Variants in PELI1 observed in about 807,000 individuals in gnomAD.
The protein encoded by PELI1 is E3 ubiquitin-protein ligase pellino homolog 1.
A neutral mutation model predicts 41.3 loss-of-function variants in PELI1; 15 were observed. That is an observed-to-expected ratio of 0.36 (90% CI 0.24 to 0.56). The LOEUF is 0.56. Among genes scored for constraint, PELI1 ranks in the 20% least tolerant of loss-of-function variants. The pLI, the probability that PELI1 is intolerant of heterozygous loss-of-function variation, is 0.82. For missense variants in PELI1, 403 were observed against 525.5 expected, an observed-to-expected ratio of 0.77 and a Z score of 2.28; for synonymous variants, 178 against 180.1, an observed-to-expected ratio of 0.99 and a Z score of 0.09.
In PELI1 at chr2:64,092,736, C is replaced by T. The variant is rs1301663568; in HGVS notation, c.*1966G>A. The T allele has an allele frequency of 6.6e-6, 1 of 152,140 alleles. No homozygotes were observed. Among genetic ancestry groups the T allele is most frequent in the Admixed American group, 6.5e-5 (1 of 15,282 alleles). The allele number at this position is 152,140 out of a possible 1,614,324, so 9.4% of individuals were successfully genotyped here. A position where few individuals can be genotyped will look rare whatever the true frequency, so the allele number is the denominator to read the frequency against. On this transcript the variant is annotated 3_prime_UTR_variant, in exon 7 of 7. Transcript: ENST00000358912. ...ATACTTTAAAGTGTTACATTAAATG[C>T]AAACTCTTCATCTATTTCAAATGAG...
In PELI1 at chr2:64,094,192, T is replaced by C. The variant is rs1680145874; in HGVS notation, c.*510A>G. On this transcript the variant is annotated 3_prime_UTR_variant, in exon 7 of 7. Transcript: ENST00000358912. ...TAACTTTGCAAATCCTTGAGCTAGG[T>C]TGCTCACTAAGCTACCATTCACACC... 2 of 152,862 alleles carry C rather than the reference T, an allele frequency of 1.3e-5. No individual in the cohort carries two copies. The highest frequency in any genetic ancestry group is 2.4e-5 in the African/African-American group (1 of 41,448). The allele number at this position is 152,862 out of a possible 1,614,324, so 9.5% of individuals were successfully genotyped here.
At chr2:64,096,642 A>G in intron 4 of PELI1, 32 bp from the exon 5 acceptor site, 2 of 1,429,608 alleles carry the variant, frequency 1.4e-6, no homozygotes, top group South Asian at 2.3e-5. Flanking sequence ...CTATAAACCC[A>G]TTCAAAGAGC....
At chr2:64,121,727 G>A (rs1274153539) in intron 1 of PELI1, among the ~76,000 whole-genome samples, 1 of 152,074 alleles carries the variant, frequency 6.6e-6, no homozygotes, top group East Asian at 1.9e-4. Context: ...CCAACATGGA[G>A]AAACCCCGTC....
In PELI1 at chr2:64,095,139, C is replaced by T. The variant is rs761679896; in HGVS notation, c.820G>A (p.Glu274Lys). 3 of 1,614,170 alleles carry T rather than the reference C, an allele frequency of 1.9e-6. No homozygotes were observed. The highest frequency in any genetic ancestry group is 2.5e-6 in the Non-Finnish European group (3 of 1,180,020). Residue 274 changes from glutamate (E) to lysine (K), a missense_variant, in exon 7 of 7, where the codon GAA becomes AAA. Transcript: ENST00000358912. ...CACTGAGGTCGTGCTGCATTGATTT[C>T]CTGTCTTAAAGCTTCTAAATGCTTC... The part of the protein sequence containing the change: ...TVKHLEALRQ[E>K]INAARPQCPV...
chr2:64,136,597 T>C (rs1681723850), intron 1 of PELI1, among the ~76,000 whole-genome samples: 1 of 152,238 alleles, frequency 6.6e-6, no homozygotes, highest in African/African-American at 2.4e-5. Context: ...CATTACATTT[T>C]AAATGATTGG....
intron 1 of PELI1, among the ~76,000 whole-genome samples, chr2:64,122,617 G>A (rs891238085): frequency 2.0e-5 from 3 of 152,006 alleles, no homozygotes; most frequent in African/African-American, 4.8e-5. Flanking sequence ...TCTTCCTTTA[G>A]TTCCACTCCA....
Position 64,122,807 on chromosome 2 carries a change from G to T in PELI1, c.-69-14428C>A, listed in dbSNP as rs375193082. 1.0e-3 allele frequency among the ~76,000 whole-genome samples: 154 copies of T among 152,206 alleles called. 2 individuals are homozygous for T. The South Asian group carries it at 0.018, about 18-fold the overall frequency. On this transcript the variant is annotated intron_variant, in intron 1 of 6. Coordinates refer to ENST00000358912, the MANE Select transcript of PELI1 (RefSeq NM_020651.4). ...ATTAGGCCTAAGATTTTTCAACAAG[G>T]TTTAAGAAGAAAAATAATCACTGTA... is the stretch of plus-strand genomic sequence containing the variant.
chr2:64,130,219 C>T (rs1042417998), intron 1 of PELI1, among the ~76,000 whole-genome samples: 1 of 152,088 alleles, frequency 6.6e-6, no homozygotes, highest in Non-Finnish European at 1.5e-5. Flanking sequence ...GCTGTATTGC[C>T]CGGGCTAGTC....
chr2:64,097,288 T>C (rs1680274852), intron 4 of PELI1, among the ~76,000 whole-genome samples: 1 of 152,340 alleles, frequency 6.6e-6, no homozygotes, highest in East Asian at 1.9e-4. Flanking sequence ...CTGTTATGGG[T>C]TGAGAAATCA....
At chr2:64,128,931 C>A (rs1336420834) in intron 1 of PELI1, among the ~76,000 whole-genome samples, 1 of 152,120 alleles carries the variant, frequency 6.6e-6, no homozygotes, top group East Asian at 1.9e-4. Context: ...ATATTTGGAT[C>A]TATAAGTTTG....
Position 64,131,667 on chromosome 2 carries a change from C to A in PELI1, c.-70+12414G>T, listed in dbSNP as rs576720256. On this transcript the variant is annotated intron_variant, in intron 1 of 6. Transcript: ENST00000358912. Reference sequence around the variant, plus strand: ...ACGGAGTCTCACTCCATTGCCCAGGCTAGAGTGCAGTGGTGCCATCTTGGC... The same window carrying A: ...ACGGAGTCTCACTCCATTGCCCAGGATAGAGTGCAGTGGTGCCATCTTGGC... Among the ~76,000 whole-genome samples, 17 of 151,808 alleles carry A rather than the reference C, an allele frequency of 1.1e-4. No homozygotes were observed. In the East Asian group the frequency reaches 3.3e-3, roughly 29 times the overall value.
chr2:64,098,150 T>C (rs150202225), intron 4 of PELI1, among the ~76,000 whole-genome samples: 311 of 152,238 alleles, frequency 2.0e-3, no homozygotes, highest in African/African-American at 7.1e-3. Context: ...GGAAGAAACT[T>C]AAGTATCTAT....
intron 1 of PELI1, among the ~76,000 whole-genome samples, chr2:64,109,441 G>A (rs1194830971): frequency 6.6e-6 from 1 of 152,224 alleles, no homozygotes; most frequent in Admixed American, 6.5e-5. Flanking sequence ...AGCACTTTGG[G>A]AGGTCGAGGC....
chr2:64,095,157 A>C lies in PELI1; in HGVS notation c.802T>G (p.Leu268Val). The C allele has an allele frequency of 6.2e-7, 1 of 1,614,134 alleles. No homozygotes were observed. Among genetic ancestry groups the C allele is most frequent in the South Asian group, 1.1e-5 (1 of 91,080 alleles). ...GLSHTPTVKH[L>V]EALRQEINAA... Reference sequence around the variant, plus strand: ...TTGATTTCCTGTCTTAAAGCTTCTAAATGCTTCACGGTAGGAGTGTGGGAA... The same window carrying C: ...TTGATTTCCTGTCTTAAAGCTTCTACATGCTTCACGGTAGGAGTGTGGGAA... Residue 268 changes from leucine (L) to valine (V), a missense_variant, in exon 7 of 7, where the codon TTA becomes GTA. Leu to Val is a conservative substitution (Grantham distance 32, BLOSUM62 1). Coordinates refer to ENST00000358912, the MANE Select transcript of PELI1 (RefSeq NM_020651.4).
At chr2:64,136,205 T>A (rs182987522) in intron 1 of PELI1, among the ~76,000 whole-genome samples, 1 of 152,204 alleles carries the variant, frequency 6.6e-6, no homozygotes, top group Non-Finnish European at 1.5e-5. Flanking sequence ...TTTTTTTTTT[T>A]AGATGAATCA....
At chr2:64,137,743 G>A (rs879359115) in intron 1 of PELI1, among the ~76,000 whole-genome samples, 90 of 152,052 alleles carry the variant, frequency 5.9e-4, no homozygotes, top group Non-Finnish European at 3.1e-4. Flanking sequence ...TCCTCTGTGA[G>A]TCATATCTGA....
chr2:64,139,833 C>T (rs1175999503), intron 1 of PELI1, among the ~76,000 whole-genome samples: 1 of 152,214 alleles, frequency 6.6e-6, no homozygotes, highest in African/African-American at 2.4e-5. Flanking sequence ...AACAAGGACT[C>T]CCAGTTTTCT....
At chr2:64,109,169 C>G (rs912992388) in intron 1 of PELI1, among the ~76,000 whole-genome samples, 2 of 152,136 alleles carry the variant, frequency 1.3e-5, no homozygotes, top group African/African-American at 2.4e-5. Flanking sequence ...CAAGAAGGAT[C>G]CTCTTCCTGA....
chr2:64,122,243 A>C (rs1681243905), intron 1 of PELI1, among the ~76,000 whole-genome samples: 1 of 151,100 alleles, frequency 6.6e-6, no homozygotes, highest in South Asian at 2.1e-4. Flanking sequence ...GGCTTACAAA[A>C]GTCTTAAACT....
Sources: allele counts gnomAD v4.1 joint callset (sites outside exome capture counted in the v4.1 genomes callset), GRCh38; gene constraint gnomAD v4.1.1; transcripts MANE v1.5; gene names NCBI Gene and HGNC (gene_info 2026-07-23, HGNC 2026-07-21).